Variants in MPPED2 observed in about 807,000 individuals in gnomAD.
MPPED2 encodes metallophosphoesterase MPPED2.
Under a neutral mutation model 33.0 loss-of-function variants are expected in MPPED2, and 5 were observed. That is an observed-to-expected ratio of 0.15 (90% CI 0.08 to 0.32). The LOEUF (loss-of-function observed/expected upper bound fraction) is 0.32. Among genes scored for constraint, MPPED2 ranks in the 10% least tolerant of loss-of-function variants. The probability of loss-of-function intolerance (pLI) is 1.00; values close to 1 mark genes in which losing one functional copy is unlikely to be tolerated. For synonymous variants in MPPED2, 136 were observed against 141.9 expected, an observed-to-expected ratio of 0.96 and a Z score of 0.29; for missense variants, 275 against 372.1, an observed-to-expected ratio of 0.74 and a Z score of 2.15.
intron 2 of MPPED2, among the ~76,000 whole-genome samples, chr11:30,544,413 G>C (rs1188397963): frequency 6.6e-6 from 1 of 152,180 alleles, no homozygotes; most frequent in Non-Finnish European, 1.5e-5. Flanking sequence ...TCAAGCAGTA[G>C]GTCAATAACC....
At chr11:30,397,472 G>A (rs947966693) in intron 6 of MPPED2, among the ~76,000 whole-genome samples, 16 of 152,070 alleles carry the variant, frequency 1.1e-4, no homozygotes, top group Non-Finnish European at 2.9e-5. Context: ...TAATTTTGGC[G>A]ATACAAACTA....
chr11:30,426,195 A>G (rs1948829309), intron 4 of MPPED2, among the ~76,000 whole-genome samples: 2 of 152,198 alleles, frequency 1.3e-5, no homozygotes, highest in African/African-American at 4.8e-5. Context: ...AGTAACCACT[A>G]TTATACTTTG....
At chr11:30,467,855 A>G (rs1378535631) in intron 4 of MPPED2, among the ~76,000 whole-genome samples, 1 of 152,144 alleles carries the variant, frequency 6.6e-6, no homozygotes, top group Non-Finnish European at 1.5e-5. Context: ...CAGCTGTGGA[A>G]CTGTTGGGGG....
At chr11:30,454,824 CAG>C (rs1950212429) in intron 4 of MPPED2, among the ~76,000 whole-genome samples, 1 of 152,142 alleles carries the variant, frequency 6.6e-6, no homozygotes, top group African/African-American at 2.4e-5. Context: ...TAAAAAAAAT[CAG>C]AGAGCCTATA....
intron 4 of MPPED2, among the ~76,000 whole-genome samples, chr11:30,430,246 G>C (rs935533543): frequency 5.3e-5 from 8 of 152,024 alleles, no homozygotes; most frequent in African/African-American, 1.9e-4. Context: ...TGCCCAATAT[G>C]ATAGCCGTAT....
chr11:30,405,769 T>TC (rs1312364721), downstream of MPPED2, among the ~76,000 whole-genome samples: 1 of 152,208 alleles, frequency 6.6e-6, no homozygotes, highest in Non-Finnish European at 1.5e-5. Context: ...TGCCTTTTTT[T>TC]CTTTTTTTTC....
chr11:30,553,309 C>G (rs1258397453), intron 2 of MPPED2, among the ~76,000 whole-genome samples: 1 of 152,148 alleles, frequency 6.6e-6, no homozygotes, highest in African/African-American at 2.4e-5. Flanking sequence ...GTAGAACTTG[C>G]AATAGTCATA....
At chr11:30,582,415 T>C (rs1249541548) in intron 1 of MPPED2, among the ~76,000 whole-genome samples, 1 of 152,226 alleles carries the variant, frequency 6.6e-6, no homozygotes, top group Non-Finnish European at 1.5e-5. Flanking sequence ...ACAATTCTTA[T>C]GTTCATTCTT....
intron 2 of MPPED2, among the ~76,000 whole-genome samples, chr11:30,558,418 T>A (rs1956086145): frequency 6.6e-6 from 1 of 151,870 alleles, no homozygotes; most frequent in Non-Finnish European, 1.5e-5. Flanking sequence ...TCTTTTTTTT[T>A]TTATTTTTTA....
At chr11:30,535,316 ATTTGCACTTC>A (rs1348160217) in intron 3 of MPPED2, among the ~76,000 whole-genome samples, 1 of 152,114 alleles carries the variant, frequency 6.6e-6, no homozygotes, top group Non-Finnish European at 1.5e-5. Context: ...ATCTCAGAAC[ATTTGCACTTC>A]TTTCCCTCCG....
chr11:30,490,858 A>C (rs754347719), intron 4 of MPPED2, among the ~76,000 whole-genome samples: 1 of 151,616 alleles, frequency 6.6e-6, no homozygotes, highest in Non-Finnish European at 1.5e-5. Context: ...ACCAAGCCAC[A>C]ATCCATATCT....
chr11:30,517,998 C>T (rs1301687659), intron 3 of MPPED2, among the ~76,000 whole-genome samples: 3 of 151,016 alleles, frequency 2.0e-5, no homozygotes, highest in African/African-American at 7.3e-5. Flanking sequence ...AACAAATTCA[C>T]ACTATTACTG....
chr11:30,412,379 G>A (rs1948147784), intron 6 of MPPED2, among the ~76,000 whole-genome samples: 2 of 151,886 alleles, frequency 1.3e-5, no homozygotes, highest in South Asian at 2.1e-4. Flanking sequence ...TAGCATGTTT[G>A]CAAGTTGGCA....
chr11:30,406,655 A>G (rs1309022400), downstream of MPPED2, among the ~76,000 whole-genome samples: 1 of 152,172 alleles, frequency 6.6e-6, no homozygotes, highest in East Asian at 1.9e-4. Context: ...AATAAAACAA[A>G]CAAACAAACA....
At chr11:30,490,339 GA>G (rs1332907348) in intron 4 of MPPED2, among the ~76,000 whole-genome samples, 8 of 151,960 alleles carry the variant, frequency 5.3e-5, no homozygotes, top group African/African-American at 7.3e-5. Context: ...AAAAGAATGA[GA>G]AAAAAACAAC....
chr11:30,502,853 A>G (rs1031968649), intron 3 of MPPED2, among the ~76,000 whole-genome samples: 1 of 152,186 alleles, frequency 6.6e-6, no homozygotes, highest in East Asian at 1.9e-4. Flanking sequence ...CCCTCAATAC[A>G]AGTTAATGTT....
intron 6 of MPPED2, among the ~76,000 whole-genome samples, chr11:30,399,366 A>G (rs1248308944): frequency 6.6e-6 from 1 of 152,140 alleles, no homozygotes; most frequent in Non-Finnish European, 1.5e-5. Context: ...AGAAAAAAAT[A>G]TATGTTTCTC....
At chr11:30,557,275 A>G (rs1323525208) in intron 2 of MPPED2, among the ~76,000 whole-genome samples, 1 of 143,456 alleles carries the variant, frequency 7.0e-6, no homozygotes, top group East Asian at 1.9e-4. Flanking sequence ...TTCATTTATA[A>G]GGTTAAAGTA....
exon 7 of MPPED2, chr11:30,388,736 C>T: frequency 9.6e-7 from 1 of 1,037,518 alleles, no homozygotes; most frequent in Admixed American, 3.3e-5. Context: ...CCTGTCGCCT[C>T]CTCCTCATGC....
Sources: gnomAD v4.1 joint callset for allele counts (sites outside exome capture counted in the v4.1 genomes callset) on GRCh38, gnomAD v4.1.1 for gene constraint, MANE v1.5 for transcripts, NCBI Gene and HGNC (gene_info 2026-07-23, HGNC 2026-07-21) for gene names.